Variants in ENPEP observed in about 807,000 individuals in gnomAD.
ENPEP encodes the protein AP-A.
Under a neutral mutation model 114.5 loss-of-function variants are expected in ENPEP, and 103 were observed. The observed-to-expected ratio is 0.90, with a 90% CI of 0.77 to 1.06. The LOEUF (loss-of-function observed/expected upper bound fraction) is 1.06. Ranked by LOEUF, ENPEP falls within the 50% of genes least tolerant of loss-of-function variation. ENPEP has a pLI of 0.00. For synonymous variants in ENPEP, 420 were observed against 422.0 expected, an observed-to-expected ratio of 1.00 and a Z score of 0.06; for missense variants, 1,196 against 1,161.3, an observed-to-expected ratio of 1.03 and a Z score of -0.43.
rs760528581 is a variant in ENPEP at position 110,476,497 on chromosome 4, G to A, written c.83G>A (p.Gly28Asp). The A allele has an allele frequency of 6.3e-7, 1 of 1,590,290 alleles. No individual in the cohort carries two copies. The highest frequency in any genetic ancestry group is 8.6e-7 in the Non-Finnish European group (1 of 1,165,692). The change falls in exon 1 of 20, where the codon GGT becomes GAT. Residue 28 changes from glycine (G) to aspartate (D), a missense_variant. Transcript: ENST00000265162. ...HVAILCAVVV[G>D]VGLIVGLAVG... The stretch of plus-strand genomic sequence containing the variant: ...GCCATTCTCTGTGCGGTGGTGGTGG[G>A]TGTAGGATTAATAGTGGGACTTGCC...
intron 11 of ENPEP, among the ~76,000 whole-genome samples, chr4:110,539,816 T>C (rs1402869960): frequency 6.6e-6 from 1 of 152,076 alleles, no homozygotes; most frequent in Non-Finnish European, 1.5e-5. Context: ...CTAAGAAAAA[T>C]GTTTTTTTCT....
intron 6 of ENPEP, among the ~76,000 whole-genome samples, chr4:110,512,044 G>A (rs1428705684): frequency 3.3e-5 from 5 of 152,048 alleles, no homozygotes; most frequent in East Asian, 1.9e-4. Flanking sequence ...GATTACAGGC[G>A]TGAGCCACCG....
At chr4:110,514,668 T>A (rs746171923) in intron 7 of ENPEP, among the ~76,000 whole-genome samples, 1 of 149,516 alleles carries the variant, frequency 6.7e-6, no homozygotes, top group Non-Finnish European at 1.5e-5. Flanking sequence ...TTAGAATGCT[T>A]AATAACTTAC....
At chr4:110,485,066 AG>A (rs1423797847) in intron 1 of ENPEP, among the ~76,000 whole-genome samples, 1 of 152,178 alleles carries the variant, frequency 6.6e-6, no homozygotes, top group Non-Finnish European at 1.5e-5. Context: ...AGAAGAATTC[AG>A]AAGGAAAAGG....
chr4:110,547,976 C>T (rs1308493890), intron 13 of ENPEP, among the ~76,000 whole-genome samples, 200 bp from the exon 14 acceptor site: 1 of 151,874 alleles, frequency 6.6e-6, no homozygotes, highest in Non-Finnish European at 1.5e-5. Context: ...TGTATGAAAG[C>T]CCTACTGTAT....
At chr4:110,480,840 C>T (rs528771438) in intron 1 of ENPEP, among the ~76,000 whole-genome samples, 157 of 150,836 alleles carry the variant, frequency 1.0e-3, no homozygotes, top group South Asian at 1.8e-3. Context: ...TTTCCTTTAT[C>T]GATCTACCTC....
chr4:110,535,743 T>G (rs770337521), intron 11 of ENPEP, among the ~76,000 whole-genome samples: 2 of 152,116 alleles, frequency 1.3e-5, no homozygotes, highest in Non-Finnish European at 2.9e-5. Flanking sequence ...TCCCAACACT[T>G]TGGGAGGCCA....
chr4:110,561,688 A>G lies in ENPEP; in HGVS notation c.*130A>G. 3.5e-6 allele frequency: 3 copies of G among 850,284 alleles called. No homozygotes were observed. The highest frequency in any genetic ancestry group is 5.3e-6 in the Non-Finnish European group (3 of 564,688). The allele number at this position is 850,284 out of a possible 1,614,324, so 52.7% of individuals were successfully genotyped here. A position where few individuals can be genotyped will look rare whatever the true frequency, so the allele number is the denominator to read the frequency against. On this transcript the variant is annotated 3_prime_UTR_variant, in exon 20 of 20. Coordinates refer to ENST00000265162, the MANE Select transcript of ENPEP (RefSeq NM_001977.4). ...AATGCTTTTACTAAGCACTGTGTTT[A>G]TATGTCTTGCAAAGCCTTTAAATTG...
At chr4:110,553,103 A>C (rs1727347743) in intron 17 of ENPEP, among the ~76,000 whole-genome samples, 1 of 152,140 alleles carries the variant, frequency 6.6e-6, no homozygotes, top group Non-Finnish European at 1.5e-5. Context: ...ACATTCCACT[A>C]GTCTTTAAAA....
At chr4:110,504,008 A>T (rs1725262069) in intron 3 of ENPEP, among the ~76,000 whole-genome samples, 1 of 152,114 alleles carries the variant, frequency 6.6e-6, no homozygotes, top group African/African-American at 2.4e-5. Context: ...CTCCAACTCA[A>T]GTACTGGCTG....
rs190110065 is a variant in ENPEP at position 110,476,623 on chromosome 4, C to T, written c.209C>T (p.Pro70Leu). The T allele has an allele frequency of 2.7e-5, 43 of 1,614,194 alleles. No individual in the cohort carries two copies. The East Asian group carries it at 7.6e-4, about 28-fold the overall frequency. Residue 70 changes from proline (P) to leucine (L), a missense_variant, in exon 1 of 20, where the codon CCT becomes CTT. Physicochemically the swap from Pro to Leu is moderately conservative, Grantham distance 98. Coordinates refer to ENST00000265162, the MANE Select transcript of ENPEP (RefSeq NM_001977.4). ...TCTTCCACGGCCAGCCCCTCAGGTC[C>T]TCCTGCCCAGGACCAGGACATCTGC... ...LPSSTASPSG[P>L]PAQDQDICPA...
chr4:110,532,934 G>A (rs1164559550), intron 11 of ENPEP, among the ~76,000 whole-genome samples: 1 of 151,630 alleles, frequency 6.6e-6, no homozygotes, highest in East Asian at 1.9e-4. Context: ...CTTGCCAGAG[G>A]AAAAGGGAGA....
chr4:110,511,028 C>G (rs1379029545), intron 6 of ENPEP, among the ~76,000 whole-genome samples: 1 of 151,920 alleles, frequency 6.6e-6, no homozygotes, highest in Admixed American at 6.6e-5. Context: ...TTCAGAAAAG[C>G]TAGGTATAGT....
At chr4:110,481,862 T>C (rs1248919584) in intron 1 of ENPEP, among the ~76,000 whole-genome samples, 1 of 152,132 alleles carries the variant, frequency 6.6e-6, no homozygotes, top group Admixed American at 6.5e-5. Context: ...TTCGTAGCGC[T>C]AGTAGGATTT....
chr4:110,499,621 A>G (rs1281428689), intron 3 of ENPEP, among the ~76,000 whole-genome samples: 2 of 152,234 alleles, frequency 1.3e-5, no homozygotes, highest in Non-Finnish European at 2.9e-5. Flanking sequence ...GATTAACTAC[A>G]GTGGGATTTG....
chr4:110,528,378 C>T (rs1393862139), intron 10 of ENPEP, among the ~76,000 whole-genome samples: 2 of 152,116 alleles, frequency 1.3e-5, no homozygotes, highest in African/African-American at 4.8e-5. Context: ...TAATAAATGC[C>T]TTCATGCACC....
At chr4:110,517,137 G>A (rs1199589194) in intron 8 of ENPEP, among the ~76,000 whole-genome samples, 3 of 151,778 alleles carry the variant, frequency 2.0e-5, no homozygotes, top group Admixed American at 6.6e-5. Context: ...ACGGGGTGTC[G>A]CCACGTTGCC....
chr4:110,532,676 A>G (rs1726453349), intron 11 of ENPEP, among the ~76,000 whole-genome samples: 1 of 152,118 alleles, frequency 6.6e-6, no homozygotes, highest in African/African-American at 2.4e-5. Flanking sequence ...TATTACTACA[A>G]ACTACCAGCT....
rs185779435 is a variant in ENPEP, at chr4:110,505,141, G to A, written c.919-1496G>A. On this transcript the variant is annotated intron_variant, in intron 3 of 19. Transcript: ENST00000265162. ...GAACGTGATGACTTTTATTTTAGAC[G>A]GTTAATTCCCTTTACTCTGTTCAAT... Among the ~76,000 whole-genome samples, 51 of 152,166 alleles carry A rather than the reference G, an allele frequency of 3.4e-4. No homozygotes were observed. The South Asian group carries it at 3.7e-3, about 11-fold the overall frequency.
Sources: allele counts gnomAD v4.1 joint callset (sites outside exome capture counted in the v4.1 genomes callset), GRCh38; gene constraint gnomAD v4.1.1; transcripts MANE v1.5; gene names NCBI Gene and HGNC (gene_info 2026-07-23, HGNC 2026-07-21).